SNTG1: variants seen among roughly 807,000 people sequenced by gnomAD.
The protein encoded by SNTG1 is gamma-1-syntrophin.
Under a neutral mutation model 74.7 loss-of-function variants are expected in SNTG1, and 39 were observed. That is an observed-to-expected ratio of 0.52 (90% CI 0.40 to 0.68). SNTG1 has a LOEUF of 0.68. Among genes scored for constraint, SNTG1 ranks in the 30% least tolerant of loss-of-function variants. The pLI, the probability that SNTG1 is intolerant of heterozygous loss-of-function variation, is 0.00. For synonymous variants in SNTG1, 254 were observed against 217.1 expected, an observed-to-expected ratio of 1.17 and a Z score of -1.49; for missense variants, 685 against 609.5, an observed-to-expected ratio of 1.12 and a Z score of -1.30.
chr8:50,573,901 G>A (rs1157699952), intron 12 of SNTG1, among the ~76,000 whole-genome samples: 1 of 151,750 alleles, frequency 6.6e-6, no homozygotes, highest in Non-Finnish European at 1.5e-5. Flanking sequence ...ATTAATGCTA[G>A]TGATTCCTGT....
chr8:50,708,603 C>T (rs1327466536), intron 16 of SNTG1: 1 of 334,870 alleles, frequency 3.0e-6, no homozygotes, highest in African/African-American at 2.1e-5. Flanking sequence ...ATTGTCAACA[C>T]AGCAAAGACA....
chr8:50,146,659 A>G (rs561783644), intron 1 of SNTG1, among the ~76,000 whole-genome samples: 6 of 152,248 alleles, frequency 3.9e-5, no homozygotes, highest in Admixed American at 2.6e-4. Context: ...ATTGCAACCA[A>G]TTGTCAATGT....
intron 2 of SNTG1, among the ~76,000 whole-genome samples, chr8:50,335,071 G>A (rs2091096305): frequency 6.6e-6 from 1 of 152,188 alleles, no homozygotes; most frequent in African/African-American, 2.4e-5. Flanking sequence ...TTAAGAATGT[G>A]TCTAGGATAT....
chr8:50,102,360 T>C (rs1211662962), intron 1 of SNTG1, among the ~76,000 whole-genome samples: 9 of 152,098 alleles, frequency 5.9e-5, no homozygotes, highest in African/African-American at 1.7e-4. Flanking sequence ...ATGTCTTCTT[T>C]TGAGAAGTGT....
intron 8 of SNTG1, among the ~76,000 whole-genome samples, chr8:50,475,233 TA>T (rs2093687759): frequency 2.0e-5 from 3 of 150,206 alleles, no homozygotes; most frequent in African/African-American, 7.3e-5. Flanking sequence ...ATAATAATAA[TA>T]ATAATAATAA....
chr8:50,780,532 G>A (rs1362297061), intron 18 of SNTG1, among the ~76,000 whole-genome samples: 1 of 152,154 alleles, frequency 6.6e-6, no homozygotes, highest in African/African-American at 2.4e-5. Flanking sequence ...TTGTATTTCT[G>A]TGGGATTGGT....
intron 8 of SNTG1, among the ~76,000 whole-genome samples, chr8:50,484,106 T>C (rs868723594): frequency 9.7e-5 from 7 of 72,384 alleles, no homozygotes; most frequent in South Asian, 5.4e-4. Context: ...CTTTCTCTCT[T>C]TCTTTCTTTC....
At chr8:50,119,106 C>A (rs1436255335) in intron 1 of SNTG1, among the ~76,000 whole-genome samples, 1 of 141,314 alleles carries the variant, frequency 7.1e-6, no homozygotes, top group Non-Finnish European at 1.6e-5. Context: ...AAACAAAACA[C>A]CTCTGGAAGT....
intron 9 of SNTG1, among the ~76,000 whole-genome samples, chr8:50,523,540 C>T (rs1158238312): frequency 6.6e-6 from 1 of 151,864 alleles, no homozygotes; most frequent in East Asian, 1.9e-4. Flanking sequence ...ATATGGAAGC[C>T]CAAGGAGAGG....
intron 9 of SNTG1, among the ~76,000 whole-genome samples, chr8:50,511,100 A>G (rs1261238911): frequency 1.3e-5 from 2 of 152,174 alleles, no homozygotes; most frequent in Non-Finnish European, 2.9e-5. Context: ...TGTCCCAAAG[A>G]TTCTGGCATG....
At chr8:50,179,130 G>A (rs2083109994) in intron 2 of SNTG1, among the ~76,000 whole-genome samples, 2 of 152,196 alleles carry the variant, frequency 1.3e-5, no homozygotes, top group Admixed American at 6.5e-5. Context: ...TGCTTGGGTT[G>A]ATTTTTGGGC....
chr8:50,232,243 A>G (rs1055814408), intron 2 of SNTG1, among the ~76,000 whole-genome samples: 8 of 151,394 alleles, frequency 5.3e-5, no homozygotes, highest in Non-Finnish European at 1.2e-4. Flanking sequence ...TATATAGGAA[A>G]TATACACTGT....
chr8:50,776,194 T>G (rs1037800365), intron 18 of SNTG1, among the ~76,000 whole-genome samples: 4 of 150,834 alleles, frequency 2.7e-5, no homozygotes, highest in African/African-American at 9.7e-5. Context: ...TTCTTGTAAC[T>G]TTTTTGAATA....
At chr8:50,774,152 C>CAT (rs2095634133) in intron 18 of SNTG1, among the ~76,000 whole-genome samples, 1 of 151,698 alleles carries the variant, frequency 6.6e-6, no homozygotes, top group Non-Finnish European at 1.5e-5. Flanking sequence ...GTTATACTGT[C>CAT]ATATATATAA....
chr8:50,230,821 C>T (rs1367574022), intron 2 of SNTG1, among the ~76,000 whole-genome samples: 1 of 133,004 alleles, frequency 7.5e-6, no homozygotes, highest in African/African-American at 2.7e-5. Flanking sequence ...GGAAAACTAT[C>T]TAACATTGGT....
intron 8 of SNTG1, among the ~76,000 whole-genome samples, chr8:50,489,069 ATTCCAGC>A (rs2093825578): frequency 6.6e-6 from 1 of 152,044 alleles, no homozygotes; most frequent in South Asian, 2.1e-4. Flanking sequence ...AAAATGATGG[ATTCCAGC>A]TTCATCCATG....
intron 2 of SNTG1, among the ~76,000 whole-genome samples, chr8:50,207,558 C>G (rs766448413): frequency 2.0e-5 from 3 of 151,974 alleles, no homozygotes; most frequent in Non-Finnish European, 4.4e-5. Flanking sequence ...TTTTGTGTCT[C>G]TATCTCCTTC....
intron 2 of SNTG1, among the ~76,000 whole-genome samples, chr8:50,315,715 T>C (rs2090289688): frequency 7.2e-6 from 1 of 138,194 alleles, no homozygotes; most frequent in African/African-American, 3.0e-5. Context: ...TATGCCTTCC[T>C]AACAATCTTT....
At chr8:50,475,238 A>G (rs1034680331) in intron 8 of SNTG1, among the ~76,000 whole-genome samples, 12 of 151,470 alleles carry the variant, frequency 7.9e-5, no homozygotes, top group Admixed American at 3.9e-4. Flanking sequence ...AATAATAATA[A>G]TAATAATAAA....
Sources: allele counts gnomAD v4.1 joint callset (sites outside exome capture counted in the v4.1 genomes callset), GRCh38; gene constraint gnomAD v4.1.1; transcripts MANE v1.5; gene names NCBI Gene and HGNC (gene_info 2026-07-23, HGNC 2026-07-21).